The following BRIP1 variants were observed in gnomAD, a reference collection of about 807,000 sequenced individuals.
BRIP1 encodes the protein BRCA1 interacting DNA helicase 1.
Under a neutral mutation model 119.7 loss-of-function variants are expected in BRIP1, and 88 were observed. That is an observed-to-expected ratio of 0.74 (90% CI 0.62 to 0.88). The LOEUF (loss-of-function observed/expected upper bound fraction) is 0.88. Ranked by LOEUF, BRIP1 falls within the 40% of genes least tolerant of loss-of-function variation. The pLI is 0.00. For synonymous variants in BRIP1, 443 were observed against 496.5 expected (o/e 0.89, Z 1.43); for missense variants, 1,259 against 1,455.4 (o/e 0.87, Z 2.20).
At chr17:61,847,807 A>G (rs1356705926) in intron 5 of BRIP1, among the ~76,000 whole-genome samples, 1 of 152,168 alleles carries the variant, frequency 6.6e-6, no homozygotes, top group Non-Finnish European at 1.5e-5. Flanking sequence ...AAATCTATTC[A>G]CTATATAATT....
chr17:61,718,121 T>C (rs2061911264), intron 16 of BRIP1, among the ~76,000 whole-genome samples: 2 of 152,218 alleles, frequency 1.3e-5, no homozygotes, highest in Non-Finnish European at 2.9e-5. Flanking sequence ...TTTCTGGTTT[T>C]GTTTCTATTG....
rs116394671 is a variant in BRIP1 at position 61,852,213 on chromosome 17, T to C, written c.380-2957A>G. Among the ~76,000 whole-genome samples, 296 of 152,304 alleles carry C rather than the reference T, an allele frequency of 1.9e-3. 3 individuals are homozygous for C. Among genetic ancestry groups the C allele is most frequent in the African/African-American group, 6.6e-3 (276 of 41,564 alleles). ...ATTCATAAAAATAAAAATCATATTA[T>C]CATCACATACAAAAAGGCTTATCTT... On this transcript the variant is annotated intron_variant, in intron 4 of 19. Transcript: ENST00000259008. This position sits in a 1 kb window ranked among gnomAD's most constrained non-coding sequence, Gnocchi z 4.9.
At chr17:61,732,914 G>A (rs889899924) in intron 16 of BRIP1, among the ~76,000 whole-genome samples, 7 of 152,014 alleles carry the variant, frequency 4.6e-5, no homozygotes, top group African/African-American at 7.2e-5. Flanking sequence ...GGCTGGTCTC[G>A]AACTCCTGAC....
At position 61,804,822 on chromosome 17, in the gene BRIP1, G is replaced by C. The variant is rs991608090; in HGVS notation, c.919-3348C>G. 1.1e-4 allele frequency among the ~76,000 whole-genome samples: 17 copies of C among 151,570 alleles called. No homozygotes were observed. The highest frequency in any genetic ancestry group is 3.6e-4 in the African/African-American group (15 of 41,338). Reference sequence around the variant, plus strand: ...GCAATAATTTGAATTTCTTCTTTTAGGTTATCTACTAATGTCCTTTGCCAT... The same window carrying C: ...GCAATAATTTGAATTTCTTCTTTTACGTTATCTACTAATGTCCTTTGCCAT... On this transcript the variant is annotated intron_variant, in intron 7 of 19. Coordinates refer to ENST00000259008, the MANE Select transcript of BRIP1 (RefSeq NM_032043.3). The surrounding 1 kb of genome is among the most constrained non-coding windows in gnomAD (Gnocchi z 4.5).
chr17:61,716,829 T>C, intron 16 of BRIP1, among the ~76,000 whole-genome samples: 1 of 152,014 alleles, frequency 6.6e-6, no homozygotes, highest in Non-Finnish European at 1.5e-5. Context: ...TTTCCACTAC[T>C]GGATTATTAG....
At chr17:61,784,198 T>C in intron 11 of BRIP1, 72 bp downstream of exon 11, 2 of 1,363,698 alleles carry the variant, frequency 1.5e-6, no homozygotes, top group Non-Finnish European at 2.1e-6. Flanking sequence ...AATAGGTATG[T>C]ATTAAACACA....
intron 10 of BRIP1, among the ~76,000 whole-genome samples, chr17:61,787,976 A>G (rs1488808201): frequency 1.3e-5 from 2 of 152,144 alleles, no homozygotes; most frequent in East Asian, 3.9e-4. Context: ...GTGATAAACA[A>G]CGCACTGGAA....
In BRIP1 at chr17:61,823,757, A is replaced by AACACACACACAC. The variant is rs144749656; in HGVS notation, c.628-15012_628-15001dup. On this transcript the variant is annotated intron_variant, in intron 6 of 19. Transcript: ENST00000259008. The surrounding 1 kb of genome is among the most constrained non-coding windows in gnomAD (Gnocchi z 4.8). ...GCTCAATGACCCCAAGCACACAATA[A>AACACACACACAC]ACACACACACACACACACACACACA... Among the ~76,000 whole-genome samples, 4 of 131,748 alleles carry AACACACACACAC rather than the reference A, an allele frequency of 3.0e-5. No homozygotes were observed. The highest frequency in any genetic ancestry group is 2.0e-4 in the East Asian group (1 of 4,906). 86.4% of individuals were successfully genotyped at this position (131,748 alleles called of 152,430 possible). A position where few individuals can be genotyped will look rare whatever the true frequency, so the allele number is the denominator to read the frequency against.
rs2077508681 is a variant in BRIP1 at position 61,774,740 on chromosome 17, T to C, written c.2097+1661A>G. ...GGATTTCCTGTGTCTTTATTTTTAA[T>C]TGAAAAGCTAGAAGCAGAAAAATAA... On this transcript the variant is annotated intron_variant, in intron 14 of 19. Transcript: ENST00000259008. This position sits in a 1 kb window ranked among gnomAD's most constrained non-coding sequence, Gnocchi z 5.8. 6.6e-6 allele frequency among the ~76,000 whole-genome samples: 1 copy of C among 152,228 alleles called. No individual in the cohort carries two copies. Among genetic ancestry groups the C allele is most frequent in the African/African-American group, 2.4e-5 (1 of 41,464 alleles).
intron 16 of BRIP1, among the ~76,000 whole-genome samples, chr17:61,732,237 C>G (rs1468780007): frequency 1.3e-5 from 2 of 152,004 alleles, no homozygotes. Flanking sequence ...CCCACCTCGG[C>G]CTCCAAGTGA....
rs185711743 is a variant in BRIP1, at chr17:61,846,556, T to C, written c.627+545A>G. Among the ~76,000 whole-genome samples the C allele has an allele frequency of 6.6e-6, 1 of 152,172 alleles. No individual in the cohort carries two copies. The highest frequency in any genetic ancestry group is 1.5e-5 in the Non-Finnish European group (1 of 67,988). On this transcript the variant is annotated intron_variant, in intron 6 of 19. Transcript: ENST00000259008. This position sits in a 1 kb window ranked among gnomAD's most constrained non-coding sequence, Gnocchi z 4.3. ...TGTGCACCACAACACCCGGCTAATT[T>C]TTGTATTTTTTGTAGAATCAGGGTT...
rs1057521675 is a variant in BRIP1, at chr17:61,693,516, G to C, written c.2493-4C>G. On this transcript the variant is annotated splice_region_variant and splice_polypyrimidine_tract_variant and intron_variant, in intron 17 of 19. Transcript: ENST00000259008. This position sits in a 1 kb window ranked among gnomAD's most constrained non-coding sequence, Gnocchi z 4.2. The stretch of plus-strand genomic sequence containing the variant: ...ATCATTTCTGTGTCTAATACATCTA[G>C]AAAAAATAGGGAAAAAGTCAAATAA... The C allele has an allele frequency of 6.2e-7, 1 of 1,603,780 alleles. No homozygotes were observed. Among genetic ancestry groups the C allele is most frequent in the Non-Finnish European group, 8.5e-7 (1 of 1,171,098 alleles).
In BRIP1 at chr17:61,841,545, A is replaced by T. The variant is rs1481829544; in HGVS notation, c.627+5556T>A. On this transcript the variant is annotated intron_variant, in intron 6 of 19. Coordinates refer to ENST00000259008, the MANE Select transcript of BRIP1 (RefSeq NM_032043.3). The surrounding 1 kb of genome is among the most constrained non-coding windows in gnomAD (Gnocchi z 4.1). Reference sequence around the variant, plus strand: ...GGCTTACTATCGAAAAGACAAAAAAAAATAACAAATGTTAGTGACGATGTG... The same window carrying T: ...GGCTTACTATCGAAAAGACAAAAAATAATAACAAATGTTAGTGACGATGTG... 6.6e-6 allele frequency among the ~76,000 whole-genome samples: 1 copy of T among 152,314 alleles called. No individual in the cohort carries two copies. The highest frequency in any genetic ancestry group is 1.9e-4 in the East Asian group (1 of 5,186).
At chr17:61,685,475 CATGGTACTTTACAATGCTGTGATATTT>C (rs2061346609) in intron 19 of BRIP1, 1 of 269,284 alleles carries the variant, frequency 3.7e-6, no homozygotes, top group Non-Finnish European at 7.0e-6. Flanking sequence ...CTACCACTTA[CATGGTACTTTACAATGCTGTGATATTT>C]ATAATTTTGA....
Position 61,679,156 on chromosome 17 carries a change from AATATAG to A in BRIP1, c.*4134_*4139del, listed in dbSNP as rs2061247476. Among the ~76,000 whole-genome samples the A allele has an allele frequency of 6.6e-6, 1 of 152,208 alleles. No homozygotes were observed. Among genetic ancestry groups the A allele is most frequent in the East Asian group, 1.9e-4 (1 of 5,204 alleles). ...GAATTAAATATTTTAAATGCGTTTT[AATATAG>A]GAAAGTAATACAAAAAAGTCCAGTT... On this transcript the variant is annotated 3_prime_UTR_variant, in exon 20 of 20. Coordinates refer to ENST00000259008, the MANE Select transcript of BRIP1 (RefSeq NM_032043.3). The surrounding 1 kb of genome is among the most constrained non-coding windows in gnomAD (Gnocchi z 4.4).
chr17:61,684,357 G>C lies in BRIP1; in HGVS notation c.2906-217C>G, dbSNP rs2061330278. On this transcript the variant is annotated intron_variant, in intron 19 of 19. Coordinates refer to ENST00000259008, the MANE Select transcript of BRIP1 (RefSeq NM_032043.3). The surrounding 1 kb of genome is among the most constrained non-coding windows in gnomAD (Gnocchi z 4.5). The stretch of plus-strand genomic sequence containing the variant: ...GTTTCCTAGCCCAAGTTATAATGCT[G>C]TCTGGTAAACTATCAAATTCCACAG... Among the ~76,000 whole-genome samples the C allele has an allele frequency of 6.6e-6, 1 of 152,142 alleles. No homozygotes were observed.
chr17:61,799,976 G>A lies in BRIP1; in HGVS notation c.1141-677C>T, dbSNP rs72842998. The stretch of plus-strand genomic sequence containing the variant: ...GTTAAATAGAGTATTCCATCCTTCT[G>A]TGGTCACAGTGACTGGTTCAGGTTC... On this transcript the variant is annotated intron_variant, in intron 8 of 19. Coordinates refer to ENST00000259008, the MANE Select transcript of BRIP1 (RefSeq NM_032043.3). This position sits in a 1 kb window ranked among gnomAD's most constrained non-coding sequence, Gnocchi z 5.1. 0.078 allele frequency among the ~76,000 whole-genome samples: 11,846 copies of A among 152,032 alleles called. 587 individuals carry two copies. Among genetic ancestry groups the A allele is most frequent in the South Asian group, 0.24 (1,137 of 4,798 alleles).
chr17:61,811,742 A>G (rs1056584167), intron 6 of BRIP1, among the ~76,000 whole-genome samples: 1 of 151,612 alleles, frequency 6.6e-6, no homozygotes, highest in Non-Finnish European at 1.5e-5. Flanking sequence ...GCTTTGGGTC[A>G]GGAGTTCAAG....
At chr17:61,826,670 A>T (rs2078411634) in intron 6 of BRIP1, among the ~76,000 whole-genome samples, 1 of 151,576 alleles carries the variant, frequency 6.6e-6, no homozygotes, top group Non-Finnish European at 1.5e-5. Context: ...GAGAAATGCA[A>T]ATCAAAACCA....
Sources: allele counts gnomAD v4.1 joint callset (sites outside exome capture counted in the v4.1 genomes callset), GRCh38; gene constraint gnomAD v4.1.1; non-coding constraint Gnocchi (gnomAD v3.1); transcripts MANE v1.5; gene names NCBI Gene and HGNC (gene_info 2026-07-23, HGNC 2026-07-21).